The following SH3PXD2B variants were observed in gnomAD, a reference collection of about 807,000 sequenced individuals.
SH3PXD2B encodes the protein SH3 and PX domains 2B, also known as SH3 and PX domain-containing protein 2B.
In SH3PXD2B, 37 loss-of-function variants were observed where a neutral mutation model predicts 73.1. The observed-to-expected ratio is 0.51, with a 90% confidence interval of 0.39 to 0.67. The LOEUF is 0.67. Among genes scored for constraint, SH3PXD2B ranks in the 30% least tolerant of loss-of-function variants. The pLI is 0.00. For missense variants in SH3PXD2B, 1,053 were observed against 1,197.8 expected, an observed-to-expected ratio of 0.88 and a Z score of 1.78; for synonymous variants, 457 against 480.5, an observed-to-expected ratio of 0.95 and a Z score of 0.64.
chr5:172,405,028 A>C (rs1339684514), intron 3 of SH3PXD2B, among the ~76,000 whole-genome samples: 2 of 152,220 alleles, frequency 1.3e-5, no homozygotes, highest in Non-Finnish European at 2.9e-5. Context: ...AAAGTAAAGC[A>C]CTGAGTGACT....
rs1757587764 is a variant in SH3PXD2B at position 172,368,498 on chromosome 5, A to ATATATATATAAAATATATATATAT, written c.427+5291_427+5292insATATATATATATTTTATATATATA. 2.9e-3 allele frequency among the ~76,000 whole-genome samples: 17 copies of ATATATATATAAAATATATATATAT among 5,840 alleles called. 4 individuals carry two copies. Among genetic ancestry groups the ATATATATATAAAATATATATATAT allele is most frequent in the South Asian group, 6.5e-3 (2 of 310 alleles). The allele number at this position is 5,840 out of a possible 152,430, so 3.8% of individuals were successfully genotyped here. The stretch of plus-strand genomic sequence containing the variant: ...TATATATATAAAATATATATATATT[A>ATATATATATAAAATATATATATAT]TATATATATATATAAAATATATATA... On this transcript the variant is annotated intron_variant, in intron 6 of 12. Coordinates refer to ENST00000311601, the MANE Select transcript of SH3PXD2B (RefSeq NM_001017995.3).
In SH3PXD2B at chr5:172,339,215, A is replaced by G; in HGVS notation, c.1890T>C (p.Thr630=). The G allele has an allele frequency of 1.2e-6, 2 of 1,614,164 alleles. No individual in the cohort carries two copies. Among genetic ancestry groups the G allele is most frequent in the African/African-American group, 1.3e-5 (1 of 75,040 alleles). The change falls in exon 13 of 13, where the codon ACT becomes ACC. Residue 630 remains threonine (T), a synonymous_variant. Transcript: ENST00000311601. This position sits in a 1 kb window ranked among gnomAD's most constrained non-coding sequence, Gnocchi z 6.1. ...TDLPEEKPDA[T]PQNPFLKSRP... is the part of the protein sequence containing the mutation. ...TGGACTTCAAGAAGGGATTCTGGGGAGTGGCATCTGGCTTCTCCTCTGGCA... is the reference window on the plus strand; with the variant it reads ...TGGACTTCAAGAAGGGATTCTGGGGGGTGGCATCTGGCTTCTCCTCTGGCA...
Position 172,339,387 on chromosome 5 carries a change from C to G in SH3PXD2B, c.1718G>C (p.Arg573Pro), listed in dbSNP as rs147231839. The change falls in exon 13 of 13, where the codon CGG (arginine) becomes CCG (proline). Residue 573 changes from arginine to proline, a missense_variant. By Grantham distance (103) the Arg-to-Pro change is moderately radical. Transcript: ENST00000311601. This position sits in a 1 kb window ranked among gnomAD's most constrained non-coding sequence, Gnocchi z 6.1. ...TTTGGGCTCTGGCCTCCTGCTGTCC[C>G]GGGCTGGAGGGATGTGTTTGGCTGG... ...MMPAKHIPPA[R>P]DSRRPEPKPD... The G allele has an allele frequency of 3.1e-6, 5 of 1,614,054 alleles. No homozygotes were observed. The highest frequency in any genetic ancestry group is 4.2e-6 in the Non-Finnish European group (5 of 1,180,036).
At position 172,353,571 on chromosome 5, in the gene SH3PXD2B, G is replaced by C. The variant is rs1757204690; in HGVS notation, c.785+317C>G. On this transcript the variant is annotated intron_variant, in intron 9 of 12. Coordinates refer to ENST00000311601, the MANE Select transcript of SH3PXD2B (RefSeq NM_001017995.3). This position sits in a 1 kb window ranked among gnomAD's most constrained non-coding sequence, Gnocchi z 4.3. The stretch of plus-strand genomic sequence containing the variant: ...GCGGGAGGGGGCTGTCACTCACATG[G>C]GGCAGCTTTGGCCTCCAACTCCTCA... Among the ~76,000 whole-genome samples, 1 of 152,192 alleles carries C rather than the reference G, an allele frequency of 6.6e-6. No homozygotes were observed. The highest frequency in any genetic ancestry group is 1.5e-5 in the Non-Finnish European group (1 of 68,032).
chr5:172,343,279 G>A (rs1040723905), intron 12 of SH3PXD2B, among the ~76,000 whole-genome samples: 1 of 152,190 alleles, frequency 6.6e-6, no homozygotes, highest in African/African-American at 2.4e-5. Flanking sequence ...CTGGGCATAC[G>A]AGTCATCGTC....
At position 172,406,264 on chromosome 5, in the gene SH3PXD2B, C is replaced by T; in HGVS notation, c.232+13G>A. On this transcript the variant is annotated intron_variant, in intron 3 of 12. Coordinates refer to ENST00000311601, the MANE Select transcript of SH3PXD2B (RefSeq NM_001017995.3). ...CCCCAGTGTCCCAGTCTGAGAGCAC[C>T]CATCTCACCTACCTGGCAGAAAGGG... 6.2e-7 allele frequency: 1 copy of T among 1,613,696 alleles called. No individual in the cohort carries two copies. Among genetic ancestry groups the T allele is most frequent in the Non-Finnish European group, 8.5e-7 (1 of 1,179,706 alleles).
intron 6 of SH3PXD2B, among the ~76,000 whole-genome samples, chr5:172,371,174 AG>A (rs1757695662): frequency 6.6e-6 from 1 of 152,194 alleles, no homozygotes; most frequent in Admixed American, 6.5e-5. Flanking sequence ...TTTAAGATGA[AG>A]GGTAAAGGGG....
At chr5:172,423,933 G>A (rs932008325) in intron 1 of SH3PXD2B, among the ~76,000 whole-genome samples, 4 of 152,028 alleles carry the variant, frequency 2.6e-5, no homozygotes, top group Admixed American at 6.6e-5. Context: ...TTGAGCCACC[G>A]CGCCCGGCCC....
At position 172,355,007 on chromosome 5, in the gene SH3PXD2B, G is replaced by A. The variant is rs935663873; in HGVS notation, c.668-1002C>T. ...AGCTAGAACAGCTCCCACCCCCAGT[G>A]TTATCTGCTCTGGCAGCTGAAATGG... On this transcript the variant is annotated intron_variant, in intron 8 of 12. Coordinates refer to ENST00000311601, the MANE Select transcript of SH3PXD2B (RefSeq NM_001017995.3). Among the ~76,000 whole-genome samples, 121 of 152,306 alleles carry A rather than the reference G, an allele frequency of 7.9e-4. 2 individuals carry two copies. Among genetic ancestry groups the A allele is most frequent in the East Asian group, 2.7e-3 (14 of 5,172 alleles).
chr5:172,381,753 C>T (rs1036450925), intron 5 of SH3PXD2B, among the ~76,000 whole-genome samples: 14 of 152,318 alleles, frequency 9.2e-5, no homozygotes, highest in Admixed American at 6.5e-4. Flanking sequence ...CCCTGCCTCA[C>T]GGGCTCAGCC....
At chr5:172,427,766 G>A (rs1165392304) in intron 1 of SH3PXD2B, among the ~76,000 whole-genome samples, 1 of 151,374 alleles carries the variant, frequency 6.6e-6, no homozygotes, top group Non-Finnish European at 1.5e-5. Context: ...TTTATGTTGT[G>A]TGTGTTACCA....
chr5:172,343,171 A>C (rs972083655), intron 12 of SH3PXD2B, among the ~76,000 whole-genome samples: 4 of 152,222 alleles, frequency 2.6e-5, no homozygotes, highest in Non-Finnish European at 4.4e-5. Context: ...TCCCACTGGA[A>C]TCTCCAGGAA....
chr5:172,443,777 C>A lies in SH3PXD2B; in HGVS notation c.75+10501G>T, dbSNP rs1319664099. Among the ~76,000 whole-genome samples the A allele has an allele frequency of 3.3e-5, 5 of 152,230 alleles. No individual in the cohort carries two copies. In the South Asian group the frequency reaches 1.0e-3, roughly 31 times the overall value. On this transcript the variant is annotated intron_variant, in intron 1 of 12. Transcript: ENST00000311601. ...GTTCTAGCTTTCTTTGCCAGCACAGCGGGCGGGGGGCCATGCAATTCTGCT... is the reference window on the plus strand; with the variant it reads ...GTTCTAGCTTTCTTTGCCAGCACAGAGGGCGGGGGGCCATGCAATTCTGCT...
intron 2 of SH3PXD2B, among the ~76,000 whole-genome samples, chr5:172,413,930 G>GC (rs1283424336): frequency 6.6e-6 from 1 of 152,228 alleles, no homozygotes; most frequent in Non-Finnish European, 1.5e-5. Flanking sequence ...GGAGTCTTGG[G>GC]CCAGATGTTG....
chr5:172,415,897 G>A (rs548273512), intron 2 of SH3PXD2B, among the ~76,000 whole-genome samples: 45 of 152,344 alleles, frequency 3.0e-4, no homozygotes, highest in African/African-American at 8.9e-4. Context: ...TTCAAGCCCA[G>A]GGCTCTATCC....
intron 3 of SH3PXD2B, among the ~76,000 whole-genome samples, chr5:172,402,561 A>AC (rs959128220): frequency 5.4e-4 from 83 of 152,296 alleles, no homozygotes; most frequent in African/African-American, 1.9e-3. Context: ...TCCCCCAGAC[A>AC]CCAGCTTTAA....
Position 172,343,231 on chromosome 5 carries a change from T to C in SH3PXD2B, c.1188+2905A>G, listed in dbSNP as rs117954509. ...TTATGTGAGGATGACTGGCATCTTA[T>C]CAACGCTTGATAGCTCTGGTAAAAA... On this transcript the variant is annotated intron_variant, in intron 12 of 12. Coordinates refer to ENST00000311601, the MANE Select transcript of SH3PXD2B (RefSeq NM_001017995.3). 1.4e-4 allele frequency among the ~76,000 whole-genome samples: 22 copies of C among 152,330 alleles called. 1 individual carries two copies. The East Asian group carries it at 3.9e-3, about 27-fold the overall frequency.
At chr5:172,325,812 G>A (rs1266009793) in intron 12 of SH3PXD2B, among the ~76,000 whole-genome samples, 2 of 152,236 alleles carry the variant, frequency 1.3e-5, no homozygotes, top group East Asian at 3.9e-4. Flanking sequence ...ACAGCGTTTC[G>A]CTGTTGTTGC....
At chr5:172,416,888 T>C (rs1758839930) in intron 2 of SH3PXD2B, among the ~76,000 whole-genome samples, 1 of 151,884 alleles carries the variant, frequency 6.6e-6, no homozygotes, top group South Asian at 2.1e-4. Context: ...TCTAAATTTT[T>C]TGTAGAGATG....
Sources: allele counts gnomAD v4.1 joint callset (sites outside exome capture counted in the v4.1 genomes callset), GRCh38; gene constraint gnomAD v4.1.1; non-coding constraint Gnocchi (gnomAD v3.1); transcripts MANE v1.5; gene names NCBI Gene and HGNC (gene_info 2026-07-23, HGNC 2026-07-21).